Variants in SPATS2 observed in about 807,000 individuals in gnomAD.
SPATS2 encodes the protein spermatogenesis associated serine rich 2, also known as spermatogenesis-associated serine-rich protein 2.
SPATS2 carries 38 observed loss-of-function variants against 63.7 expected under a neutral mutation model. That is an observed-to-expected ratio of 0.60 (90% CI 0.46 to 0.78). The LOEUF (loss-of-function observed/expected upper bound fraction) is 0.78, where lower values mean the gene tolerates loss of function less well. Among genes scored for constraint, SPATS2 ranks in the 30% least tolerant of loss-of-function variants. The pLI, the probability that SPATS2 is intolerant of heterozygous loss-of-function variation, is 0.00. For missense variants in SPATS2, 588 were observed against 666.2 expected, an observed-to-expected ratio of 0.88 and a Z score of 1.29; for synonymous variants, 207 against 232.9, an observed-to-expected ratio of 0.89 and a Z score of 1.01.
chr12:49,420,506 A>C (rs1490764210), intron 2 of SPATS2, among the ~76,000 whole-genome samples: 2 of 152,202 alleles, frequency 1.3e-5, no homozygotes, highest in Non-Finnish European at 2.9e-5. Flanking sequence ...AGGCAGGAGA[A>C]TCGCTTGAAC....
At chr12:49,401,516 T>C (rs1268264835) in intron 2 of SPATS2, among the ~76,000 whole-genome samples, 4 of 152,194 alleles carry the variant, frequency 2.6e-5, no homozygotes, top group Non-Finnish European at 5.9e-5. Flanking sequence ...TTTCTACTTT[T>C]CCATATTATT....
intron 11 of SPATS2, 133 bp from the exon 12 acceptor site, chr12:49,522,618 T>G: frequency 6.5e-6 from 4 of 616,070 alleles, no homozygotes; most frequent in Non-Finnish European, 8.4e-6. Flanking sequence ...GCGTTGGTCA[T>G]GTGATGGCCA....
intron 3 of SPATS2, among the ~76,000 whole-genome samples, chr12:49,467,698 T>C (rs961760408): frequency 6.6e-6 from 1 of 152,162 alleles, no homozygotes; most frequent in Non-Finnish European, 1.5e-5. Flanking sequence ...TACACTAGAC[T>C]CTTTTTTTCT....
At chr12:49,469,542 TAAAAAAA>T (rs748722366) in intron 3 of SPATS2, 30 of 319,658 alleles carry the variant, frequency 9.4e-5, no homozygotes, top group Admixed American at 2.6e-4. Context: ...GCTGGGTCTC[TAAAAAAA>T]AAAAAAAAAA....
intron 2 of SPATS2, among the ~76,000 whole-genome samples, chr12:49,436,728 G>A (rs1178288173): frequency 2.1e-5 from 3 of 141,920 alleles, no homozygotes; most frequent in East Asian, 2.2e-4. Flanking sequence ...CTGGCCGGGC[G>A]GGGGGCTGAC....
chr12:49,520,588 C>T (rs191331280), intron 11 of SPATS2, among the ~76,000 whole-genome samples: 152 of 152,296 alleles, frequency 1.0e-3, no homozygotes, highest in Admixed American at 9.1e-3. Flanking sequence ...AAGTGCCTAG[C>T]ACAGCACCTT....
intron 9 of SPATS2, among the ~76,000 whole-genome samples, chr12:49,504,835 C>A (rs1050994403): frequency 7.2e-6 from 1 of 139,658 alleles, no homozygotes; most frequent in Non-Finnish European, 1.5e-5. Context: ...GTAGCGCCAT[C>A]GTGTCTCACT....
At chr12:49,367,139 T>C (rs531544336), upstream of SPATS2, 1 of 157,198 alleles carries the variant, frequency 6.4e-6, no homozygotes, top group South Asian at 2.1e-4. Context: ...GCCCCGCGCC[T>C]CTCCCCGATC....
chr12:49,413,684 T>G (rs888552048), intron 2 of SPATS2, among the ~76,000 whole-genome samples: 13 of 152,278 alleles, frequency 8.5e-5, no homozygotes, highest in East Asian at 5.8e-4. Context: ...GATCTTGCTT[T>G]CTAAATCAGA....
At chr12:49,455,123 C>T (rs1483959718) in intron 2 of SPATS2, among the ~76,000 whole-genome samples, 3 of 151,990 alleles carry the variant, frequency 2.0e-5, no homozygotes, top group Admixed American at 1.3e-4. Context: ...ATTTTAAAGT[C>T]TGGCTTGCTG....
At chr12:49,478,109 G>A (rs976715595) in intron 3 of SPATS2, among the ~76,000 whole-genome samples, 2 of 151,712 alleles carry the variant, frequency 1.3e-5, no homozygotes, top group Non-Finnish European at 2.9e-5. Context: ...CAACTAGTTA[G>A]GACTACAGAT....
intron 1 of SPATS2, among the ~76,000 whole-genome samples, chr12:49,368,135 G>A (rs922794268): frequency 6.6e-6 from 1 of 152,184 alleles, no homozygotes; most frequent in African/African-American, 2.4e-5. Context: ...TTGGATTAAA[G>A]CAGAAAGGTA....
In SPATS2 at chr12:49,494,813, G is replaced by A; in HGVS notation, c.337G>A (p.Val113Ile). 6.2e-7 allele frequency: 1 copy of A among 1,613,496 alleles called. No individual in the cohort carries two copies. ...SNGIPDSSKS[V>I]SIQEEQSAPS... ...CGGCATCCCAGATTCCAGTAAATCA[G>A]TTTCCATTCAAGAGGAACAGTCTGC... The change falls in exon 7 of 14, where the codon GTT becomes ATT. Residue 113 changes from valine (V) to isoleucine (I), a missense_variant. Physicochemically the swap from Val to Ile is conservative, Grantham distance 29. Transcript: ENST00000552918.
intron 2 of SPATS2, among the ~76,000 whole-genome samples, chr12:49,414,615 A>G (rs1944853472): frequency 6.6e-6 from 1 of 151,642 alleles, no homozygotes; most frequent in Non-Finnish European, 1.5e-5. Context: ...TTATTTTTTT[A>G]TTTTTTTGAG....
chr12:49,378,676 G>C (rs927653302), intron 2 of SPATS2, among the ~76,000 whole-genome samples: 2 of 151,880 alleles, frequency 1.3e-5, no homozygotes, highest in Non-Finnish European at 1.5e-5. Flanking sequence ...GCTTACTGCA[G>C]CCTCGACCTG....
chr12:49,421,124 A>G (rs1944973264), intron 2 of SPATS2, among the ~76,000 whole-genome samples: 1 of 152,164 alleles, frequency 6.6e-6, no homozygotes, highest in Non-Finnish European at 1.5e-5. Context: ...GTATACGTAA[A>G]AATTCTTTGC....
intron 9 of SPATS2, among the ~76,000 whole-genome samples, chr12:49,508,669 A>C (rs1386176277): frequency 1.3e-5 from 2 of 151,808 alleles, no homozygotes; most frequent in Non-Finnish European, 2.9e-5. Flanking sequence ...TCCTGGGCTC[A>C]AGTGATCCTC....
intron 8 of SPATS2, 22 bp downstream of exon 8, chr12:49,497,031 G>A (rs1946475062): frequency 3.3e-6 from 5 of 1,500,518 alleles, no homozygotes; most frequent in East Asian, 2.4e-5. Flanking sequence ...GCCCACCTGT[G>A]AGAGAAAATG....
At chr12:49,389,212 T>C (rs934025964) in intron 2 of SPATS2, among the ~76,000 whole-genome samples, 1 of 152,168 alleles carries the variant, frequency 6.6e-6, no homozygotes, top group South Asian at 2.1e-4. Context: ...AAGCTTCAAG[T>C]GTTCGGCCCT....
Sources: gnomAD v4.1 joint callset for allele counts (sites outside exome capture counted in the v4.1 genomes callset) on GRCh38, gnomAD v4.1.1 for gene constraint, MANE v1.5 for transcripts, NCBI Gene and HGNC (gene_info 2026-07-23, HGNC 2026-07-21) for gene names.